ADGRA1: variants seen among roughly 807,000 people sequenced by gnomAD.
The protein encoded by ADGRA1 is G-protein coupled receptor 123.
A neutral mutation model predicts 21.3 loss-of-function variants in ADGRA1; 12 were observed. That is an observed-to-expected ratio of 0.56 (90% CI 0.36 to 0.91). The LOEUF (loss-of-function observed/expected upper bound fraction) is 0.91. Among genes scored for constraint, ADGRA1 ranks in the 40% least tolerant of loss-of-function variants. ADGRA1 has a pLI of 0.01. For missense variants in ADGRA1, 790 were observed against 805.6 expected (o/e 0.98, Z 0.23); for synonymous variants, 385 against 368.8 (o/e 1.04, Z -0.50).
rs749505938 is a variant in ADGRA1, at chr10:133,129,110, C to T, written c.1282C>T (p.Arg428Trp). 1.7e-5 allele frequency: 26 copies of T among 1,551,824 alleles called. No individual in the cohort carries two copies. Among genetic ancestry groups the T allele is most frequent in the Admixed American group, 3.8e-5 (2 of 52,410 alleles). The change falls in exon 7 of 7, where the codon CGG becomes TGG. Residue 428 changes from arginine (R) to tryptophan (W), a missense_variant. Arg to Trp is a moderately radical substitution (Grantham distance 101). Around this residue, in one of 3 missense-constraint regions of ADGRA1, gnomAD observed 391 missense variants for 351.5 expected, o/e 1.11. Transcript: ENST00000392607. Reference sequence around the variant, plus strand: ...CAGAACTAAGCCGCCCTACTTTAGCCGGCACCCAGCAGAGGAGCCCGAGTA... The same window carrying T: ...CAGAACTAAGCCGCCCTACTTTAGCTGGCACCCAGCAGAGGAGCCCGAGTA... ...QGRTKPPYFS[R>W]HPAEEPEYAY...
intron 5 of ADGRA1, among the ~76,000 whole-genome samples, chr10:133,115,262 G>A (rs1852135218): frequency 6.6e-6 from 1 of 152,192 alleles, no homozygotes; most frequent in Non-Finnish European, 1.5e-5. Context: ...CCCTAGGCAG[G>A]GGTGGCGCAG....
At chr10:133,101,796 G>A (rs964077000) in intron 4 of ADGRA1, among the ~76,000 whole-genome samples, 16 of 152,158 alleles carry the variant, frequency 1.1e-4, no homozygotes, top group Admixed American at 2.6e-4. Flanking sequence ...GGAGCCCCCC[G>A]GGGGCTGCTG....
intron 2 of ADGRA1, chr10:133,095,756 G>A (rs533095580): frequency 7.6e-5 from 121 of 1,598,424 alleles, no homozygotes; most frequent in Admixed American, 1.2e-4. Flanking sequence ...TCTCGGGCCC[G>A]CTGGCTGCCT....
chr10:133,127,132 C>T (rs1852390010), intron 5 of ADGRA1, 101 bp from the exon 6 acceptor site: 2 of 683,710 alleles, frequency 2.9e-6, no homozygotes, highest in East Asian at 6.8e-5. Context: ...CCGCCCGCAC[C>T]CGCTGCTCTC....
chr10:133,118,014 C>T lies in ADGRA1; in HGVS notation c.402-9219C>T, dbSNP rs11598757. Among the ~76,000 whole-genome samples the T allele has an allele frequency of 8.9e-3, 1,357 of 152,338 alleles. 14 individuals carry two copies. The highest frequency in any genetic ancestry group is 0.02 in the Middle Eastern group (6 of 294). ...ACAGTGGAGGCTGGGAGGGAATGAG[C>T]CAGCTGGTCAGGCCAGCCAGGTGAG... On this transcript the variant is annotated intron_variant, in intron 5 of 6. Transcript: ENST00000392607.
intron 5 of ADGRA1, among the ~76,000 whole-genome samples, chr10:133,119,930 T>A (rs1168343055): frequency 6.6e-6 from 1 of 152,300 alleles, no homozygotes; most frequent in African/African-American, 2.4e-5. Flanking sequence ...TTAAAGGCCC[T>A]GGGATTTTCA....
intron 5 of ADGRA1, among the ~76,000 whole-genome samples, chr10:133,111,283 C>G (rs1474973581): frequency 1.1e-5 from 1 of 91,290 alleles, no homozygotes; most frequent in Non-Finnish European, 2.1e-5. Context: ...CCTAATCCCA[C>G]CAGACAACCT....
chr10:133,127,364 G>T, intron 6 of ADGRA1, 33 bp downstream of exon 6: 1 of 1,517,634 alleles, frequency 6.6e-7, no homozygotes, highest in South Asian at 1.2e-5. Context: ...CGGGAGCTGG[G>T]AGCAGCGGGT....
At chr10:133,111,153 CCCACCAGACCA>C (rs1851986274) in intron 5 of ADGRA1, among the ~76,000 whole-genome samples, 1 of 150,714 alleles carries the variant, frequency 6.6e-6, no homozygotes. Flanking sequence ...CTCTCCTAAT[CCCACCAGACCA>C]CCTGCCCGCC....
At chr10:133,116,409 C>T (rs985872392) in intron 5 of ADGRA1, among the ~76,000 whole-genome samples, 2 of 149,580 alleles carry the variant, frequency 1.3e-5, no homozygotes, top group African/African-American at 4.9e-5. Context: ...GCTTTGTCAG[C>T]GCCCCACCCC....
chr10:133,120,620 A>G (rs981139646), intron 5 of ADGRA1, among the ~76,000 whole-genome samples: 3 of 152,204 alleles, frequency 2.0e-5, no homozygotes, highest in Non-Finnish European at 4.4e-5. Context: ...CTCAGCCATC[A>G]TAGGGTTAAA....
At position 133,128,518 on chromosome 10, in the gene ADGRA1, C is replaced by T; in HGVS notation, c.690C>T (p.Ile230=). The T allele has an allele frequency of 6.5e-7, 1 of 1,547,240 alleles. No homozygotes were observed. The highest frequency in any genetic ancestry group is 8.7e-7 in the Non-Finnish European group (1 of 1,147,134). Residue 230 remains isoleucine (I), a synonymous_variant, in exon 7 of 7, where the codon ATC becomes ATT. Coordinates refer to ENST00000392607, the MANE Select transcript of ADGRA1 (RefSeq NM_001083909.3). ...RLATPEGGRG[I]RPGTPPAHDA... ...CGACACCCGAGGGCGGCCGTGGGAT[C>T]CGGCCAGGCACCCCACCCGCACACG...
intron 5 of ADGRA1, among the ~76,000 whole-genome samples, chr10:133,113,508 G>A (rs1443489537): frequency 6.6e-6 from 1 of 152,214 alleles, no homozygotes; most frequent in Admixed American, 6.5e-5. Context: ...CTTGGGCTTG[G>A]GACCTGCCCG....
intron 6 of ADGRA1, among the ~76,000 whole-genome samples, chr10:133,127,604 A>G (rs1005439415): frequency 6.6e-6 from 1 of 152,076 alleles, no homozygotes. Context: ...ACAAATAGCG[A>G]TTTGGCAACA....
In ADGRA1 at chr10:133,096,768, G is replaced by A. The variant is rs142669992; in HGVS notation, c.4-206G>A. On this transcript the variant is annotated intron_variant, in intron 2 of 6. Coordinates refer to ENST00000392607, the MANE Select transcript of ADGRA1 (RefSeq NM_001083909.3). ...AGGACAGACAGCACTCCGTGGCCAC[G>A]TGGGGCCCCTCCCGTGCACTCCCTG... Among the ~76,000 whole-genome samples the A allele has an allele frequency of 2.0e-4, 31 of 152,326 alleles. No individual in the cohort carries two copies. The East Asian group carries it at 2.1e-3, about 10-fold the overall frequency.
At chr10:133,101,033 T>C (rs1443992596) in intron 4 of ADGRA1, among the ~76,000 whole-genome samples, 2 of 152,174 alleles carry the variant, frequency 1.3e-5, no homozygotes, top group African/African-American at 2.4e-5. Flanking sequence ...ACAGAAGCCC[T>C]CTCATTGATC....
At chr10:133,094,729 G>A (rs762485813) in intron 2 of ADGRA1, among the ~76,000 whole-genome samples, 13 of 151,336 alleles carry the variant, frequency 8.6e-5, no homozygotes, top group Admixed American at 2.6e-4. Flanking sequence ...TGTGTAGAGC[G>A]TTCAGGTTTA....
chr10:133,122,107 C>T (rs1326604577), intron 5 of ADGRA1, among the ~76,000 whole-genome samples: 5 of 152,148 alleles, frequency 3.3e-5, no homozygotes, highest in Admixed American at 1.3e-4. Flanking sequence ...TGAGCATGCG[C>T]GTGGTGTAAG....
rs1851530231 is a variant in ADGRA1 at position 133,087,999 on chromosome 10, C to T, written c.-342C>T. The T allele has an allele frequency of 4.1e-6, 4 of 984,950 alleles. No individual in the cohort carries two copies. Among genetic ancestry groups the T allele is most frequent in the Non-Finnish European group, 4.8e-6 (4 of 829,794 alleles). 61.0% of individuals were successfully genotyped at this position (984,950 alleles called of 1,614,324 possible). On this transcript the variant is annotated 5_prime_UTR_variant, in exon 1 of 7. Coordinates refer to ENST00000392607, the MANE Select transcript of ADGRA1 (RefSeq NM_001083909.3). Reference sequence around the variant, plus strand: ...GTGACTCACCGGCCGGCGCCGCAGCCCCGCAATCTGTTGATAACTCGGTCC... The same window carrying T: ...GTGACTCACCGGCCGGCGCCGCAGCTCCGCAATCTGTTGATAACTCGGTCC...
Sources: allele counts gnomAD v4.1 joint callset (sites outside exome capture counted in the v4.1 genomes callset), GRCh38; gene constraint gnomAD v4.1.1; regional missense constraint gnomAD v4.1.1; transcripts MANE v1.5; gene names NCBI Gene and HGNC (gene_info 2026-07-23, HGNC 2026-07-21).